The following AKAP11 variants were observed in gnomAD, a reference collection of about 807,000 sequenced individuals.
The protein encoded by AKAP11 is A-kinase anchor protein 11.
Under a neutral mutation model 146.1 loss-of-function variants are expected in AKAP11, and 36 were observed. The ratio of observed to expected loss-of-function variants is 0.25; its 90% CI spans 0.19 to 0.33. The LOEUF is 0.33. Ranked by LOEUF, AKAP11 falls within the 10% of genes least tolerant of loss-of-function variation. The pLI, the probability that AKAP11 is intolerant of heterozygous loss-of-function variation, is 1.00. For synonymous variants in AKAP11, 780 were observed against 786.5 expected (o/e 0.99, Z 0.14); for missense variants, 2,201 against 2,197.0 (o/e 1.00, Z -0.04).
chr13:42,286,136 ATTC>A, intron 2 of AKAP11, 101 bp downstream of exon 2: 1 of 356,832 alleles, frequency 2.8e-6, no homozygotes, highest in Non-Finnish European at 5.1e-6. Context: ...TTTTTCAAAT[ATTC>A]TTGCTGGATT....
intron 1 of AKAP11, among the ~76,000 whole-genome samples, chr13:42,282,484 A>G (rs1236591812): frequency 1.3e-5 from 2 of 151,954 alleles, no homozygotes; most frequent in African/African-American, 4.8e-5. Flanking sequence ...AATTTTGTGC[A>G]AGTATATATG....
At chr13:42,296,484 T>G (rs1042884001) in intron 5 of AKAP11, among the ~76,000 whole-genome samples, 7 of 152,166 alleles carry the variant, frequency 4.6e-5, no homozygotes, top group Non-Finnish European at 1.0e-4. Context: ...TCAAAGACTT[T>G]AATAATTCTT....
At chr13:42,276,721 G>A (rs1190606235) in intron 1 of AKAP11, among the ~76,000 whole-genome samples, 1 of 152,102 alleles carries the variant, frequency 6.6e-6, no homozygotes, top group Non-Finnish European at 1.5e-5. Flanking sequence ...AATATACCCT[G>A]TTAGTTAATA....
rs559303765 is a variant in AKAP11 at position 42,305,341 on chromosome 13, A to G, written c.5117+1478A>G. Among the ~76,000 whole-genome samples, 15 of 152,318 alleles carry G rather than the reference A, an allele frequency of 9.8e-5. 1 individual carries two copies. Among genetic ancestry groups the G allele is most frequent in the African/African-American group, 3.6e-4 (15 of 41,562 alleles). On this transcript the variant is annotated intron_variant, in intron 8 of 12. Coordinates refer to ENST00000025301, the MANE Select transcript of AKAP11 (RefSeq NM_016248.4). ...CAGGATTCTTGAATCCAATTGCTCCATAGCGTCTACTTGAGATGAGAGATG... is the reference window on the plus strand; with the variant it reads ...CAGGATTCTTGAATCCAATTGCTCCGTAGCGTCTACTTGAGATGAGAGATG...
chr13:42,280,181 C>A (rs1959030089), intron 1 of AKAP11, among the ~76,000 whole-genome samples: 1 of 152,132 alleles, frequency 6.6e-6, no homozygotes, highest in East Asian at 1.9e-4. Flanking sequence ...GTATTGTGAC[C>A]TGGAAGTAGC....
chr13:42,281,021 T>G (rs1449126676), intron 1 of AKAP11, among the ~76,000 whole-genome samples: 1 of 152,164 alleles, frequency 6.6e-6, no homozygotes, highest in Non-Finnish European at 1.5e-5. Context: ...CTTTTGAACA[T>G]ACAAATTTTG....
chr13:42,304,853 C>T lies in AKAP11; in HGVS notation c.5117+990C>T, dbSNP rs377261231. Among the ~76,000 whole-genome samples, 10 of 151,982 alleles carry T rather than the reference C, an allele frequency of 6.6e-5. No individual in the cohort carries two copies. The East Asian group carries it at 1.7e-3, about 27-fold the overall frequency. ...GCAACCTTTGCCTCCCGGGTTCAAG[C>T]GATTCCTGTGCCTCAGCCTCCCTAG... On this transcript the variant is annotated intron_variant, in intron 8 of 12. Coordinates refer to ENST00000025301, the MANE Select transcript of AKAP11 (RefSeq NM_016248.4).
rs1342505855 is a variant in AKAP11, at chr13:42,302,719, A to C, written c.3973A>C (p.Ser1325Arg). 6.2e-7 allele frequency: 1 copy of C among 1,614,138 alleles called. No homozygotes were observed. The change falls in exon 8 of 13, where the codon AGT (serine) becomes CGT (arginine). Residue 1325 changes from serine to arginine, a missense_variant. Ser to Arg is a moderately radical substitution (Grantham distance 110). Coordinates refer to ENST00000025301, the MANE Select transcript of AKAP11 (RefSeq NM_016248.4). The part of the protein sequence containing the change: ...VDPFILSLPP[S>R]SCMSGLMYKY... Reference sequence around the variant, plus strand: ...TCCGTTTATTCTTTCATTACCACCAAGTTCTTGTATGTCAGGTCTGATGTA... The same window carrying C: ...TCCGTTTATTCTTTCATTACCACCACGTTCTTGTATGTCAGGTCTGATGTA...
rs756320767 is a variant in AKAP11, at chr13:42,303,631, A to C, written c.4885A>C (p.Lys1629Gln). The stretch of plus-strand genomic sequence containing the variant: ...TCCAAAATTTAGCAGCCGCTATCAG[A>C]AATCTAGGATTTTTCATCTCAGTGT... ...SNPKFSSRYQ[K>Q]SRIFHLSVPQ... Residue 1629 changes from lysine to glutamine, a missense_variant, in exon 8 of 13, where the codon AAA becomes CAA. Lys to Gln is a moderately conservative substitution (Grantham distance 53). Around this residue, in one of 3 missense-constraint regions of AKAP11, gnomAD observed 1,867 missense variants for 1,833.5 expected, o/e 1.02. Transcript: ENST00000025301. The C allele has an allele frequency of 1.2e-6, 2 of 1,614,194 alleles. No homozygotes were observed. Among genetic ancestry groups the C allele is most frequent in the South Asian group, 1.1e-5 (1 of 91,084 alleles).
At chr13:42,295,940 TTA>T (rs1462057650) in intron 5 of AKAP11, among the ~76,000 whole-genome samples, 198 bp downstream of exon 5, 1 of 152,212 alleles carries the variant, frequency 6.6e-6, no homozygotes, top group Non-Finnish European at 1.5e-5. Flanking sequence ...GTAAAAATTC[TTA>T]TGTTTTTAGT....
chr13:42,312,036 A>G (rs542889709), intron 9 of AKAP11, among the ~76,000 whole-genome samples: 6 of 152,138 alleles, frequency 3.9e-5, no homozygotes, highest in Non-Finnish European at 8.8e-5. Flanking sequence ...ACCAACATTT[A>G]CTGATGTACA....
chr13:42,276,071 GGA>G (rs1958909813), intron 1 of AKAP11, among the ~76,000 whole-genome samples: 1 of 152,098 alleles, frequency 6.6e-6, no homozygotes, highest in Non-Finnish European at 1.5e-5. Flanking sequence ...TGCCGGTCCT[GGA>G]ACCCTTTATC....
intron 9 of AKAP11, among the ~76,000 whole-genome samples, chr13:42,310,412 A>G (rs1285650808): frequency 2.6e-5 from 4 of 152,238 alleles, no homozygotes; most frequent in African/African-American, 7.2e-5. Context: ...TGCATGCTTG[A>G]TAAGCATCAC....
chr13:42,292,609 G>T (rs537921083), intron 4 of AKAP11, 108 bp downstream of exon 4: 14 of 592,324 alleles, frequency 2.4e-5, no homozygotes, highest in Admixed American at 5.8e-5. Context: ...ATCTCTATTT[G>T]TTGTTACATG....
intron 1 of AKAP11, among the ~76,000 whole-genome samples, chr13:42,277,268 TG>T (rs1489654184): frequency 2.0e-5 from 3 of 152,234 alleles, no homozygotes; most frequent in South Asian, 2.1e-4. Flanking sequence ...TTCTTAAAAC[TG>T]TATTCAAATG....
In AKAP11 at chr13:42,301,408, T is replaced by G. The variant is rs1179044552; in HGVS notation, c.2662T>G (p.Leu888Val). The G allele has an allele frequency of 6.2e-7, 1 of 1,613,584 alleles. No individual in the cohort carries two copies. The highest frequency in any genetic ancestry group is 1.7e-5 in the Admixed American group (1 of 59,920). Residue 888 changes from leucine (L) to valine (V), a missense_variant, in exon 8 of 13, where the codon TTA (leucine) becomes GTA (valine). Physicochemically the swap from Leu to Val is conservative, Grantham distance 32. This residue lies in a region of AKAP11 where 1,867 missense variants were observed against 1,833.5 expected (regional missense o/e 1.02). Transcript: ENST00000025301. ...AVVHTIVNET[L>V]ESMTSLEVTK... is the part of the protein sequence containing the mutation. ...GGTGCATACGATAGTAAATGAAACT[T>G]TAGAGTCAATGACATCATTGGAAGT...
At chr13:42,294,501 C>T (rs1043959331) in intron 4 of AKAP11, among the ~76,000 whole-genome samples, 1 of 151,958 alleles carries the variant, frequency 6.6e-6, no homozygotes, top group Non-Finnish European at 1.5e-5. Context: ...CTCCAGGGTT[C>T]AAGTGATTCT....
chr13:42,306,038 C>T (rs1157913105), intron 8 of AKAP11, among the ~76,000 whole-genome samples: 1 of 152,162 alleles, frequency 6.6e-6, no homozygotes, highest in African/African-American at 2.4e-5. Flanking sequence ...CCAGGTCCCT[C>T]CCTGGGGGTT....
At chr13:42,289,526 C>G (rs144267064) in intron 3 of AKAP11, among the ~76,000 whole-genome samples, 238 of 152,232 alleles carry the variant, frequency 1.6e-3, no homozygotes, top group Admixed American at 4.7e-3. Flanking sequence ...GAGAGCCCCT[C>G]CAAGTAGGTA....
Sources: allele counts gnomAD v4.1 joint callset (sites outside exome capture counted in the v4.1 genomes callset), GRCh38; gene constraint gnomAD v4.1.1; regional missense constraint gnomAD v4.1.1; transcripts MANE v1.5; gene names NCBI Gene and HGNC (gene_info 2026-07-23, HGNC 2026-07-21).